SV2C: variants seen among roughly 807,000 people sequenced by gnomAD.
SV2C encodes the protein solute carrier family 22 member B3.
Under a neutral mutation model 79.7 loss-of-function variants are expected in SV2C, and 49 were observed. The ratio of observed to expected loss-of-function variants is 0.61; its 90% CI spans 0.49 to 0.78. The LOEUF is 0.78. Ranked by LOEUF, SV2C falls within the 30% of genes least tolerant of loss-of-function variation. The pLI, the probability that SV2C is intolerant of heterozygous loss-of-function variation, is 0.00. For synonymous variants in SV2C, 334 were observed against 333.2 expected, an observed-to-expected ratio of 1.00 and a Z score of -0.03; for missense variants, 833 against 912.9, an observed-to-expected ratio of 0.91 and a Z score of 1.13.
At chr5:75,905,066 T>C in the SV2C span, among the ~76,000 whole-genome samples, 2 of 152,244 alleles carry the variant, frequency 1.3e-5, no homozygotes, top group Non-Finnish European at 2.9e-5. Context: ...AGAACTCTAC[T>C]TTTAGCTTCA....
chr5:75,907,614 C>G, the SV2C span, among the ~76,000 whole-genome samples: 1 of 152,126 alleles, frequency 6.6e-6, no homozygotes, highest in Non-Finnish European at 1.5e-5. Flanking sequence ...TAAGTAAGAG[C>G]AAAGGTGATA....
At chr5:76,152,313 G>A (rs1749629222) in intron 2 of SV2C, among the ~76,000 whole-genome samples, 1 of 152,234 alleles carries the variant, frequency 6.6e-6, no homozygotes, top group Middle Eastern at 3.4e-3. Flanking sequence ...TTTAGATAAC[G>A]CTTCTAATAA....
chr5:75,894,102 C>T, the SV2C span, among the ~76,000 whole-genome samples: 3 of 152,082 alleles, frequency 2.0e-5, no homozygotes, highest in African/African-American at 4.8e-5. Flanking sequence ...TTATTCATTA[C>T]GTTGGCAGCA....
intron 6 of SV2C, 97 bp downstream of exon 6, chr5:76,285,967 C>A: frequency 9.4e-7 from 1 of 1,061,724 alleles, no homozygotes; most frequent in Non-Finnish European, 1.4e-6. Flanking sequence ...GCAAGTCATA[C>A]GGTCTTTGAC....
chr5:76,192,951 A>G (rs1360176979), intron 2 of SV2C, among the ~76,000 whole-genome samples: 2 of 152,090 alleles, frequency 1.3e-5, no homozygotes, highest in African/African-American at 2.4e-5. Context: ...TTCCCCTCTG[A>G]TGTTCTCTTG....
At chr5:76,210,098 A>T (rs1044192595) in intron 4 of SV2C, among the ~76,000 whole-genome samples, 2 of 152,170 alleles carry the variant, frequency 1.3e-5, no homozygotes, top group Non-Finnish European at 2.9e-5. Context: ...ATATGAATGT[A>T]ATGGGGGGAA....
At chr5:76,077,394 A>C in the SV2C span, among the ~76,000 whole-genome samples, 29 of 152,254 alleles carry the variant, frequency 1.9e-4, no homozygotes, top group Admixed American at 3.3e-4. Context: ...ATAGAGATTT[A>C]AGAGACATAT....
chr5:75,921,570 G>A, the SV2C span: 6 of 942,168 alleles, frequency 6.4e-6, no homozygotes, highest in East Asian at 5.0e-5. Context: ...GTGTCATTGC[G>A]GCCCGTGAAG....
At chr5:76,353,909 C>CA (rs1450606444) in exon 13 of SV2C, 1 of 152,182 alleles carries the variant, frequency 6.6e-6, no homozygotes. Context: ...CTAGGATGTC[C>CA]ATTTCATGGG....
Position 76,331,314 on chromosome 5 carries a change from CA to C in SV2C, c.*5768del, listed in dbSNP as rs1424614113. 2 of 152,356 alleles carry C rather than the reference CA, an allele frequency of 1.3e-5. No homozygotes were observed. The allele number at this position is 152,356 out of a possible 1,614,324, so 9.4% of individuals were successfully genotyped here. On this transcript the variant is annotated 3_prime_UTR_variant, in exon 13 of 13. Coordinates refer to ENST00000502798, the MANE Select transcript of SV2C (RefSeq NM_014979.4). Reference sequence around the variant, plus strand: ...TGCCACTCCCCTGGTCTGTGCCTCCCAGGGTGTTTCCTTTCTGATTTTGAAG... The same window carrying C: ...TGCCACTCCCCTGGTCTGTGCCTCCCGGGTGTTTCCTTTCTGATTTTGAAG...
chr5:76,175,688 T>G (rs915349406), intron 2 of SV2C, among the ~76,000 whole-genome samples: 15 of 152,312 alleles, frequency 9.8e-5, no homozygotes, highest in Middle Eastern at 6.8e-3. Context: ...GCTAAGTAAT[T>G]AAGATGTAAG....
chr5:75,876,910 T>C, the SV2C span, among the ~76,000 whole-genome samples: 18,930 of 151,790 alleles, frequency 0.12, 1,391 homozygotes, highest in African/African-American at 0.22. Context: ...ATGAAACATA[T>C]AATAAACAAA....
At chr5:76,181,469 A>T (rs1221311753) in intron 2 of SV2C, among the ~76,000 whole-genome samples, 2 of 152,232 alleles carry the variant, frequency 1.3e-5, no homozygotes, top group Non-Finnish European at 2.9e-5. Context: ...TAATTTATGA[A>T]GAAAAGAGTT....
the SV2C span, among the ~76,000 whole-genome samples, chr5:76,032,414 C>G: frequency 6.6e-6 from 1 of 152,078 alleles, no homozygotes; most frequent in Non-Finnish European, 1.5e-5. Context: ...GACCCCACAA[C>G]AGTTCCCAGA....
the SV2C span, among the ~76,000 whole-genome samples, chr5:75,942,182 T>C: frequency 1.3e-5 from 2 of 152,238 alleles, no homozygotes; most frequent in Middle Eastern, 3.2e-3. Context: ...AGCTCCTATG[T>C]CTGGGATCCT....
the SV2C span, among the ~76,000 whole-genome samples, chr5:75,864,407 A>G: frequency 6.6e-6 from 1 of 152,168 alleles, no homozygotes; most frequent in Non-Finnish European, 1.5e-5. Context: ...TCCTGCAGTG[A>G]AAAGCTGACA....
the SV2C span, among the ~76,000 whole-genome samples, chr5:76,031,208 C>T: frequency 8.2e-3 from 1,254 of 152,284 alleles, 7 homozygotes; most frequent in Non-Finnish European, 0.014. Context: ...TCATTTGGTC[C>T]CTGGCTTCTG....
chr5:76,012,141 G>C, the SV2C span, among the ~76,000 whole-genome samples: 1 of 152,176 alleles, frequency 6.6e-6, no homozygotes, highest in Non-Finnish European at 1.5e-5. Context: ...GGATTGCTGG[G>C]TCAAATGGTA....
chr5:76,344,299 A>G (rs1200609840), intron 12 of SV2C, among the ~76,000 whole-genome samples: 1 of 152,208 alleles, frequency 6.6e-6, no homozygotes, highest in African/African-American at 2.4e-5. Context: ...ATACATCCCT[A>G]TGGGAAAGAG....
Sources: allele counts gnomAD v4.1 joint callset (sites outside exome capture counted in the v4.1 genomes callset), GRCh38; gene constraint gnomAD v4.1.1; transcripts MANE v1.5; gene names NCBI Gene and HGNC (gene_info 2026-07-23, HGNC 2026-07-21).